The following FMNL1 variants were observed in gnomAD, a reference collection of about 807,000 sequenced individuals.
FMNL1 encodes formin-like protein 1.
In FMNL1, 43 loss-of-function variants were observed where a neutral mutation model predicts 121.3. That is an observed-to-expected ratio of 0.35 (90% CI 0.28 to 0.46). FMNL1 has a LOEUF of 0.46. Among genes scored for constraint, FMNL1 ranks in the 20% least tolerant of loss-of-function variants. The pLI is 1.00. For missense variants in FMNL1, 1,191 were observed against 1,482.4 expected, an observed-to-expected ratio of 0.80 and a Z score of 3.23; for synonymous variants, 613 against 613.5, an observed-to-expected ratio of 1.00 and a Z score of 0.01.
intron 22 of FMNL1, 71 bp downstream of exon 22, chr17:45,245,487 T>G: frequency 6.2e-7 from 1 of 1,607,288 alleles, no homozygotes; most frequent in Non-Finnish European, 8.5e-7. Flanking sequence ...TGGAGGGGTG[T>G]GGCCGTAGCT....
At chr17:45,226,726 TG>T (rs1022420955) in intron 1 of FMNL1, among the ~76,000 whole-genome samples, 43 of 152,142 alleles carry the variant, frequency 2.8e-4, no homozygotes, top group African/African-American at 9.9e-4. Context: ...AAAAAGTGTC[TG>T]GGGAGCGTTT....
chr17:45,223,876 C>T (rs908731812), intron 1 of FMNL1, among the ~76,000 whole-genome samples: 1 of 152,150 alleles, frequency 6.6e-6, no homozygotes, highest in Non-Finnish European at 1.5e-5. Context: ...ATAATTCAGA[C>T]CAGGGGAAAA....
At chr17:45,230,822 C>G in intron 2 of FMNL1, 135 bp downstream of exon 2, 1 of 886,070 alleles carries the variant, frequency 1.1e-6, no homozygotes, top group East Asian at 2.8e-5. Flanking sequence ...GCCAATGTAG[C>G]ACCTGGGGAG....
At chr17:45,243,425 A>C in intron 17 of FMNL1, 105 bp downstream of exon 17, 1 of 1,333,274 alleles carries the variant, frequency 7.5e-7, no homozygotes, top group African/African-American at 1.5e-5. Flanking sequence ...CTCTTTCATC[A>C]GGCTTCATAC....
At chr17:45,238,857 C>A in intron 10 of FMNL1, 98 bp from the exon 11 acceptor site, 1 of 1,155,978 alleles carries the variant, frequency 8.7e-7, no homozygotes, top group Non-Finnish European at 1.3e-6. Flanking sequence ...GGAGTGAGAA[C>A]TGTGGAGAAG....
rs1172737094 is a variant in FMNL1, at chr17:45,237,339, TCAA to T, written c.789_791del (p.Asn263del). On this transcript the variant is annotated inframe_deletion, in exon 8 of 27. Transcript: ENST00000331495. The surrounding 1 kb of genome is among the most constrained non-coding windows in gnomAD (Gnocchi z 4.4). ...TGTGTCAATGAGATTGCTCTGAGCC[TCAA>T]CAACAAGAACCCCAGGTGAGGTCCA... 5.0e-6 allele frequency: 8 copies of T among 1,614,170 alleles called. No individual in the cohort carries two copies. The highest frequency in any genetic ancestry group is 5.9e-6 in the Non-Finnish European group (7 of 1,180,028).
intron 1 of FMNL1, among the ~76,000 whole-genome samples, 199 bp from the exon 2 acceptor site, chr17:45,230,405 G>A (rs931468560): frequency 6.6e-6 from 1 of 152,126 alleles, no homozygotes; most frequent in African/African-American, 2.4e-5. Context: ...CTTCTAGCTG[G>A]TGTGCCCCGG....
At chr17:45,240,820 G>A in intron 12 of FMNL1, 195 bp downstream of exon 12, 1 of 830,682 alleles carries the variant, frequency 1.2e-6, no homozygotes, top group Non-Finnish European at 1.8e-6. Flanking sequence ...ATGAGTGTGG[G>A]TGAGCACCCT....
chr17:45,242,805 C>G (rs1414629695), intron 16 of FMNL1, among the ~76,000 whole-genome samples: 3 of 152,276 alleles, frequency 2.0e-5, no homozygotes, highest in Non-Finnish European at 4.4e-5. Context: ...TCTCTTGCCT[C>G]TAGGCCATTG....
intron 2 of FMNL1, 130 bp downstream of exon 2, chr17:45,230,817 T>C (rs2043422203): frequency 2.2e-6 from 2 of 905,674 alleles, no homozygotes; most frequent in Non-Finnish European, 3.3e-6. Flanking sequence ...CAGTGGCCAA[T>C]GTAGCACCTG....
chr17:45,225,818 C>T (rs2043318672), intron 1 of FMNL1, among the ~76,000 whole-genome samples: 1 of 152,168 alleles, frequency 6.6e-6, no homozygotes, highest in South Asian at 2.1e-4. Context: ...TACTTAACTT[C>T]TCTGAGCTGT....
chr17:45,246,754 C>G, intron 26 of FMNL1, 113 bp from the exon 27 acceptor site: 1 of 776,106 alleles, frequency 1.3e-6, no homozygotes, highest in Middle Eastern at 2.3e-4. Context: ...AACGGTACCC[C>G]TGCCATGTGC....
Position 45,237,353 on chromosome 17 carries a change from C to T in FMNL1, c.796C>T (p.Pro266Ser), listed in dbSNP as rs879249761. 6.2e-7 allele frequency: 1 copy of T among 1,614,158 alleles called. No individual in the cohort carries two copies. Among genetic ancestry groups the T allele is most frequent in the Non-Finnish European group, 8.5e-7 (1 of 1,180,014 alleles). The change falls in exon 8 of 27, where the codon CCC (proline) becomes TCC (serine). Residue 266 changes from proline (P) to serine (S), a missense_variant. Around this residue, in one of 4 missense-constraint regions of FMNL1, gnomAD observed 253 missense variants for 417.5 expected, o/e 0.61. Coordinates refer to ENST00000331495, the MANE Select transcript of FMNL1 (RefSeq NM_005892.4). This position sits in a 1 kb window ranked among gnomAD's most constrained non-coding sequence, Gnocchi z 4.4. ...TGCTCTGAGCCTCAACAACAAGAAC[C>T]CCAGGTGAGGTCCAGGCCCCAAACC... is the stretch of plus-strand genomic sequence containing the variant. ...EIALSLNNKN[P>S]RTKALVLELL...
At chr17:45,234,340 C>G (rs1221053222) in intron 6 of FMNL1, 140 bp downstream of exon 6, 9 of 1,429,238 alleles carry the variant, frequency 6.3e-6, no homozygotes, top group Non-Finnish European at 7.7e-6. Flanking sequence ...GGGACTCATA[C>G]AGAGTTTGGG....
intron 20 of FMNL1, 39 bp from the exon 21 acceptor site, chr17:45,244,940 T>C: frequency 2.5e-6 from 4 of 1,612,152 alleles, no homozygotes; most frequent in Non-Finnish European, 3.4e-6. Context: ...GGCTGGGGAC[T>C]GGCTGGTGGC....
chr17:45,246,044 C>A, intron 24 of FMNL1, 71 bp downstream of exon 24: 1 of 1,513,662 alleles, frequency 6.6e-7, no homozygotes, highest in Non-Finnish European at 8.8e-7. Flanking sequence ...TCTGGTGCCA[C>A]CCCCACACCC....
chr17:45,241,997 C>G lies in FMNL1; in HGVS notation c.1736C>G (p.Pro579Arg). The G allele has an allele frequency of 7.7e-7, 1 of 1,302,010 alleles. No individual in the cohort carries two copies. The highest frequency in any genetic ancestry group is 9.8e-7 in the Non-Finnish European group (1 of 1,024,100). 80.7% of individuals were successfully genotyped at this position (1,302,010 alleles called of 1,614,324 possible). ...PGSPEPPPAP[P>R]LPGDLPPPPP... ...AGCCCGGAGCCCCCGCCTGCGCCGC[C>G]GCTGCCCGGAGACCTGCCGCCCCCA... Residue 579 changes from proline (P) to arginine (R), a missense_variant, in exon 15 of 27, where the codon CCG becomes CGG. By Grantham distance (103) the Pro-to-Arg change is moderately radical (BLOSUM62 -2). This residue lies in a region of FMNL1 where 519 missense variants were observed against 492.8 expected (regional missense o/e 1.05). Coordinates refer to ENST00000331495, the MANE Select transcript of FMNL1 (RefSeq NM_005892.4). The surrounding 1 kb of genome is among the most constrained non-coding windows in gnomAD (Gnocchi z 7.0).
In FMNL1 at chr17:45,241,757, C is replaced by A; in HGVS notation, c.1586-90C>A. 2 of 1,426,464 alleles carry A rather than the reference C, an allele frequency of 1.4e-6. No homozygotes were observed. Among genetic ancestry groups the A allele is most frequent in the Non-Finnish European group, 1.8e-6 (2 of 1,094,450 alleles). The allele number at this position is 1,426,464 out of a possible 1,614,324, so 88.4% of individuals were successfully genotyped here. On this transcript the variant is annotated intron_variant, in intron 14 of 26. Transcript: ENST00000331495. The surrounding 1 kb of genome is among the most constrained non-coding windows in gnomAD (Gnocchi z 7.0). ...ATTGTAGGCTCGGCTCAGGTAGGAG[C>A]GCATGCGTAGAGCGGAGAGGCGGAG...
intron 17 of FMNL1, 100 bp from the exon 18 acceptor site, chr17:45,243,691 A>G: frequency 9.5e-6 from 11 of 1,162,220 alleles, no homozygotes; most frequent in Non-Finnish European, 1.1e-5. Context: ...CAAATAGAAA[A>G]TACTGAAATT....
Sources: gnomAD v4.1 joint callset for allele counts (sites outside exome capture counted in the v4.1 genomes callset) on GRCh38, gnomAD v4.1.1 for gene constraint, gnomAD v4.1.1 regional missense constraint, Gnocchi (gnomAD v3.1) non-coding constraint, MANE v1.5 for transcripts, NCBI Gene and HGNC (gene_info 2026-07-23, HGNC 2026-07-21) for gene names.